The following CLDN19 variants were observed in gnomAD, a reference collection of about 807,000 sequenced individuals.
CLDN19 encodes claudin-19.
Under a neutral mutation model 24.5 loss-of-function variants are expected in CLDN19, and 19 were observed. The observed-to-expected ratio is 0.78, with a 90% confidence interval of 0.54 to 1.14. CLDN19 has a LOEUF of 1.14. Among genes scored for constraint, CLDN19 ranks in the 50% most tolerant of loss-of-function variants. CLDN19 has a pLI of 0.00. For synonymous variants in CLDN19, 117 were observed against 129.6 expected, an observed-to-expected ratio of 0.90 and a Z score of 0.66; for missense variants, 250 against 295.9, an observed-to-expected ratio of 0.84 and a Z score of 1.14.
chr1:42,737,850 T>A (rs1233181482), intron 3 of CLDN19, among the ~76,000 whole-genome samples: 1 of 152,090 alleles, frequency 6.6e-6, no homozygotes, highest in African/African-American at 2.4e-5. Context: ...GCCCAGATAT[T>A]TTTTGTATTT....
rs1310630314 is a variant in CLDN19 at position 42,738,250 on chromosome 1, G to C, written c.452C>G (p.Pro151Arg). The C allele has an allele frequency of 3.1e-6, 5 of 1,613,782 alleles. No individual in the cohort carries two copies. The highest frequency in any genetic ancestry group is 4.2e-6 in the Non-Finnish European group (5 of 1,179,968). The change falls in exon 3 of 5, where the codon CCA becomes CGA. Residue 151 changes from proline (P) to arginine (R), a missense_variant. Transcript: ENST00000296387. The part of the protein sequence containing the change: ...ATLVTQEFFN[P>R]STPVNARYEF... ...CCACCTGGCATTGACAGGTGTGCTTGGGTTGAAGAACTCCTGGGTCACCAG... is the reference window on the plus strand; with the variant it reads ...CCACCTGGCATTGACAGGTGTGCTTCGGTTGAAGAACTCCTGGGTCACCAG...
intron 3 of CLDN19, among the ~76,000 whole-genome samples, chr1:42,736,749 G>A (rs10890211): frequency 1.3e-5 from 2 of 152,022 alleles, no homozygotes; most frequent in Admixed American, 6.5e-5. Context: ...TTGCTTGTCC[G>A]GCTCCCTGGG....
rs118203981 is a variant in CLDN19, at chr1:42,738,540, A to G, written c.269T>C (p.Leu90Pro). 1 of 1,613,930 alleles carries G rather than the reference A, an allele frequency of 6.2e-7. No homozygotes were observed. The highest frequency in any genetic ancestry group is 8.5e-7 in the Non-Finnish European group (1 of 1,180,032). The change falls in exon 2 of 5, where the codon CTG becomes CCG. Residue 90 changes from leucine (L) to proline (P), a missense_variant. Transcript: ENST00000296387. ...ARALMVVAVL[L>P]GFVAMVLSVV... ...GCTGAGGACCATGGCCACGAAGCCC[A>G]GGAGCACGGCCACCACCATCAGGGC...
rs571067526 is a variant in CLDN19 at position 42,739,850 on chromosome 1, C to T, written c.214G>A (p.Ala72Thr). Residue 72 changes from alanine to threonine, a missense_variant, in exon 1 of 5, where the codon GCC (alanine) becomes ACC (threonine). Ala to Thr is a moderately conservative substitution (Grantham distance 58). Coordinates refer to ENST00000296387, the MANE Select transcript of CLDN19 (RefSeq NM_148960.3). ...VQCKLYDSLL[A>T]LDGHIQSARA... Reference sequence around the variant, plus strand: ...CCGGCCTGGGGCCTACCGTCCAGGGCGAGCAGCGAGTCGTAGAGCTTGCAC... The same window carrying T: ...CCGGCCTGGGGCCTACCGTCCAGGGTGAGCAGCGAGTCGTAGAGCTTGCAC... 3.7e-6 allele frequency: 6 copies of T among 1,612,838 alleles called. No homozygotes were observed. The highest frequency in any genetic ancestry group is 2.2e-5 in the East Asian group (1 of 44,860).
chr1:42,736,348 G>T (rs1247073519), intron 3 of CLDN19, among the ~76,000 whole-genome samples: 2 of 152,184 alleles, frequency 1.3e-5, no homozygotes, highest in Non-Finnish European at 2.9e-5. Flanking sequence ...GGCCTGAGAG[G>T]TCTGCACGGG....
Position 42,735,803 on chromosome 1 carries a change from G to C in CLDN19, c.626+75C>G, listed in dbSNP as rs199656937. 3.0e-3 allele frequency: 4,592 copies of C among 1,547,370 alleles called. 12 individuals are homozygous for C. Among genetic ancestry groups the C allele is most frequent in the Middle Eastern group, 0.011 (63 of 5,926 alleles). ...CCCCAGTGGCCCTGCCCAGGGTGCT[G>C]CGAGGCTGGCTGGATGCTGGGCAAG... On this transcript the variant is annotated intron_variant, in intron 4 of 4. Transcript: ENST00000296387.
Position 42,735,458 on chromosome 1 carries a change from G to A in CLDN19, c.627-324C>T, listed in dbSNP as rs571548302. The A allele has an allele frequency of 2.2e-5, 31 of 1,412,366 alleles. 1 individual carries two copies. The highest frequency in any genetic ancestry group is 1.6e-4 in the South Asian group (10 of 62,812). 87.5% of individuals were successfully genotyped at this position (1,412,366 alleles called of 1,614,324 possible). A position where few individuals can be genotyped will look rare whatever the true frequency, so the allele number is the denominator to read the frequency against. On this transcript the variant is annotated intron_variant, in intron 4 of 4. Transcript: ENST00000296387. ...AGCCCATGGGACTGGGGAGGGTGAA[G>A]GTTTCTGCTCACCCCAAGGACCTGG...
intron 4 of CLDN19, 182 bp from the exon 5 acceptor site, chr1:42,735,316 G>A (rs1269922455): frequency 1.3e-6 from 2 of 1,484,732 alleles, no homozygotes; most frequent in Non-Finnish European, 1.8e-6. Flanking sequence ...CACCATCTGT[G>A]TAGGTGGCCC....
chr1:42,739,243 C>A (rs1651472078), intron 1 of CLDN19, among the ~76,000 whole-genome samples: 1 of 152,188 alleles, frequency 6.6e-6, no homozygotes. Flanking sequence ...GGCTCCTGGG[C>A]AGATTGCAGG....
chr1:42,737,491 A>C (rs1452562783), intron 3 of CLDN19, among the ~76,000 whole-genome samples: 1 of 152,230 alleles, frequency 6.6e-6, no homozygotes. Context: ...AAATGAAAAC[A>C]GCTCAGGCTT....
rs1651248287 is a variant in CLDN19 at position 42,733,427 on chromosome 1, C to G, written c.*1659G>C. ...TCCCTCTGCAGACCTCACAGAGTCA[C>G]CTGGGCTTGAGGCCTCATAGAGGAG... On this transcript the variant is annotated 3_prime_UTR_variant, in exon 5 of 5. Transcript: ENST00000296387. 1 of 152,416 alleles carries G rather than the reference C, an allele frequency of 6.6e-6. No homozygotes were observed. Among genetic ancestry groups the G allele is most frequent in the South Asian group, 2.1e-4 (1 of 4,834 alleles). 9.4% of individuals were successfully genotyped at this position (152,416 alleles called of 1,614,324 possible). A position where few individuals can be genotyped will look rare whatever the true frequency, so the allele number is the denominator to read the frequency against.
chr1:42,735,476 G>A (rs1570442086), intron 4 of CLDN19: 2 of 1,412,586 alleles, frequency 1.4e-6, no homozygotes, highest in Non-Finnish European at 1.8e-6. Flanking sequence ...CTCACCCCAA[G>A]GACCTGGGTA....
At chr1:42,736,176 G>A (rs1192632231) in intron 3 of CLDN19, 146 bp from the exon 4 acceptor site, 5 of 623,660 alleles carry the variant, frequency 8.0e-6, no homozygotes, top group African/African-American at 1.8e-5. Context: ...AAATTGAGGT[G>A]AATGCTCTTC....
At chr1:42,737,633 G>T (rs1651411764) in intron 3 of CLDN19, among the ~76,000 whole-genome samples, 1 of 152,210 alleles carries the variant, frequency 6.6e-6, no homozygotes, top group Admixed American at 6.5e-5. Context: ...GGCACAGAAA[G>T]ATTAAGTAAC....
chr1:42,734,912 C>A lies in CLDN19; in HGVS notation c.*174G>T. 1 of 632,254 alleles carries A rather than the reference C, an allele frequency of 1.6e-6. No homozygotes were observed. The highest frequency in any genetic ancestry group is 2.9e-6 in the Non-Finnish European group (1 of 347,484). The allele number at this position is 632,254 out of a possible 1,614,324, so 39.2% of individuals were successfully genotyped here. On this transcript the variant is annotated 3_prime_UTR_variant, in exon 5 of 5. Transcript: ENST00000296387. ...ACCTCTGTCTCCTCATCTTTCTGCC[C>A]AAGAGCCCCAGGGGTCAGCACTGAC...
chr1:42,735,665 G>C, intron 4 of CLDN19: 1 of 1,440,484 alleles, frequency 6.9e-7, no homozygotes, highest in Non-Finnish European at 9.1e-7. Context: ...CTGTGTGTAT[G>C]CCTGGGGGCT....
chr1:42,735,258 C>A (rs937904168), intron 4 of CLDN19, 124 bp from the exon 5 acceptor site: 51 of 1,552,034 alleles, frequency 3.3e-5, no homozygotes, highest in Non-Finnish European at 4.4e-5. Flanking sequence ...CTCACAGCAG[C>A]CCTGCCTGGG....
chr1:42,739,958 C>A lies in CLDN19; in HGVS notation c.106G>T (p.Ala36Ser), dbSNP rs1033106967. Residue 36 changes from alanine (A) to serine (S), a missense_variant, in exon 1 of 5, where the codon GCA becomes TCA. By Grantham distance (99) the Ala-to-Ser change is moderately conservative (BLOSUM62 1). Coordinates refer to ENST00000296387, the MANE Select transcript of CLDN19 (RefSeq NM_148960.3). ...ALPQWKQSSY[A>S]GDAIITAVGL... is the part of the protein sequence containing the mutation. ...ACGGCAGTGATGATGGCGTCGCCTG[C>A]GTAGGAAGACTGCTTCCACTGTGGC... 8.7e-6 allele frequency: 14 copies of A among 1,603,506 alleles called. No homozygotes were observed. The highest frequency in any genetic ancestry group is 1.7e-5 in the Admixed American group (1 of 58,660).
At position 42,733,105 on chromosome 1, in the gene CLDN19, T is replaced by G. The variant is rs1191329965; in HGVS notation, c.*1981A>C. 1 of 145,932 alleles carries G rather than the reference T, an allele frequency of 6.9e-6. No individual in the cohort carries two copies. The highest frequency in any genetic ancestry group is 1.5e-5 in the Non-Finnish European group (1 of 66,792). The allele number at this position is 145,932 out of a possible 1,614,324, so 9.0% of individuals were successfully genotyped here. A position where few individuals can be genotyped will look rare whatever the true frequency, so the allele number is the denominator to read the frequency against. Reference sequence around the variant, plus strand: ...TTTTTTTTTTTTTGTGATGGAGTCTTGCTCTGTCATCCAGGATGGTGTGCA... The same window carrying G: ...TTTTTTTTTTTTTGTGATGGAGTCTGGCTCTGTCATCCAGGATGGTGTGCA... On this transcript the variant is annotated 3_prime_UTR_variant, in exon 5 of 5. Coordinates refer to ENST00000296387, the MANE Select transcript of CLDN19 (RefSeq NM_148960.3).
Sources: gnomAD v4.1 joint callset for allele counts (sites outside exome capture counted in the v4.1 genomes callset) on GRCh38, gnomAD v4.1.1 for gene constraint, MANE v1.5 for transcripts, NCBI Gene and HGNC (gene_info 2026-07-23, HGNC 2026-07-21) for gene names.